Variants in LPGAT1 observed in about 807,000 individuals in gnomAD.
LPGAT1 encodes the protein lysophosphatidylglycerol acyltransferase 1.
A neutral mutation model predicts 47.5 loss-of-function variants in LPGAT1; 11 were observed. The observed-to-expected ratio is 0.23, with a 90% CI of 0.15 to 0.38. LPGAT1 has a LOEUF of 0.38. LPGAT1 is among the 10% of genes least tolerant of loss of function. The probability of loss-of-function intolerance (pLI) is 1.00; values close to 1 mark genes in which losing one functional copy is unlikely to be tolerated. For missense variants in LPGAT1, 293 were observed against 439.0 expected, an observed-to-expected ratio of 0.67 and a Z score of 2.97; for synonymous variants, 138 against 144.2, an observed-to-expected ratio of 0.96 and a Z score of 0.31.
chr1:211,783,623 C>T, intron 4 of LPGAT1, 121 bp from the exon 5 acceptor site: 1 of 805,748 alleles, frequency 1.2e-6, no homozygotes, highest in Non-Finnish European at 1.8e-6. Context: ...AGTGATTCCC[C>T]CACCCCACCC....
intron 2 of LPGAT1, among the ~76,000 whole-genome samples, chr1:211,807,662 A>G (rs573405916): frequency 6.6e-6 from 1 of 152,318 alleles, no homozygotes; most frequent in Admixed American, 6.5e-5. Flanking sequence ...GAAAAAGAAT[A>G]GTCTTTTCAA....
chr1:211,778,874 T>C (rs1300792801), intron 6 of LPGAT1, 44 bp downstream of exon 6: 2 of 1,437,576 alleles, frequency 1.4e-6, no homozygotes, highest in South Asian at 1.5e-5. Flanking sequence ...TATTCTGAGG[T>C]AGTATTGTTG....
intron 3 of LPGAT1, among the ~76,000 whole-genome samples, chr1:211,789,827 C>T (rs1027870232): frequency 6.8e-6 from 1 of 148,004 alleles, no homozygotes; most frequent in African/African-American, 2.5e-5. Context: ...GCTGAAATGG[C>T]ACCACTGCAC....
chr1:211,788,900 T>C (rs899167422), intron 3 of LPGAT1, among the ~76,000 whole-genome samples: 2 of 152,106 alleles, frequency 1.3e-5, no homozygotes, highest in Admixed American at 6.5e-5. Context: ...CCTACACATA[T>C]GGAAAAAACT....
intron 2 of LPGAT1, among the ~76,000 whole-genome samples, chr1:211,817,757 A>AT (rs1660226610): frequency 6.6e-6 from 1 of 152,116 alleles, no homozygotes; most frequent in Non-Finnish European, 1.5e-5. Context: ...ATGGTGCTTC[A>AT]TTTTTTCGTT....
intron 6 of LPGAT1, among the ~76,000 whole-genome samples, chr1:211,776,776 T>C (rs759266484): frequency 7.3e-5 from 11 of 151,092 alleles, no homozygotes; most frequent in Non-Finnish European, 1.5e-4. Flanking sequence ...TCATGAATAG[T>C]TTTTCAAATC....
chr1:211,785,782 T>C (rs940228135), intron 4 of LPGAT1, among the ~76,000 whole-genome samples: 1 of 152,008 alleles, frequency 6.6e-6, no homozygotes, highest in East Asian at 1.9e-4. Flanking sequence ...AATTTTTGTA[T>C]CTTTAGTAGA....
Position 211,829,329 on chromosome 1 carries a change from G to A in LPGAT1, c.-27-6C>T, listed in dbSNP as rs1660644531. Reference sequence around the variant, plus strand: ...CTGGACTCCGTCCTGTCTTTCTGGGGTGAAAGAAAAATTCACTTAAAAAGG... The same window carrying A: ...CTGGACTCCGTCCTGTCTTTCTGGGATGAAAGAAAAATTCACTTAAAAAGG... On this transcript the variant is annotated splice_polypyrimidine_tract_variant and splice_region_variant and intron_variant, in intron 1 of 7. Coordinates refer to ENST00000366997, the MANE Select transcript of LPGAT1 (RefSeq NM_014873.3). 1 of 1,608,770 alleles carries A rather than the reference G, an allele frequency of 6.2e-7. No individual in the cohort carries two copies. Among genetic ancestry groups the A allele is most frequent in the Non-Finnish European group, 8.5e-7 (1 of 1,177,038 alleles).
rs148488276 is a variant in LPGAT1 at position 211,786,178 on chromosome 1, G to A, written c.453+1454C>T. On this transcript the variant is annotated intron_variant, in intron 4 of 7. Coordinates refer to ENST00000366997, the MANE Select transcript of LPGAT1 (RefSeq NM_014873.3). ...GTGGTTCCAGGGTATGCTTATATTT[G>A]TTTCTCTGCTCAGAAGAACAAAGGA... 1.5e-4 allele frequency among the ~76,000 whole-genome samples: 23 copies of A among 152,264 alleles called. No homozygotes were observed. The East Asian group carries it at 3.7e-3, about 24-fold the overall frequency.
In LPGAT1 at chr1:211,745,855, C is replaced by G. The variant is rs1656920870; in HGVS notation, c.*4044G>C. 1.3e-5 allele frequency: 2 copies of G among 152,556 alleles called. No homozygotes were observed. Among genetic ancestry groups the G allele is most frequent in the Non-Finnish European group, 2.9e-5 (2 of 68,024 alleles). 9.5% of individuals were successfully genotyped at this position (152,556 alleles called of 1,614,324 possible). On this transcript the variant is annotated 3_prime_UTR_variant, in exon 8 of 8. Transcript: ENST00000366997. Reference sequence around the variant, plus strand: ...TATCCACTGCTGCTTTTGACTTTGTCCTTCATATTAACAGATATAAGGCTC... The same window carrying G: ...TATCCACTGCTGCTTTTGACTTTGTGCTTCATATTAACAGATATAAGGCTC...
Position 211,749,668 on chromosome 1 carries a change from A to T in LPGAT1, c.*231T>A. The T allele has an allele frequency of 2.2e-6, 1 of 453,794 alleles. No homozygotes were observed. The highest frequency in any genetic ancestry group is 3.9e-6 in the Non-Finnish European group (1 of 257,532). The allele number at this position is 453,794 out of a possible 1,614,324, so 28.1% of individuals were successfully genotyped here. On this transcript the variant is annotated 3_prime_UTR_variant, in exon 8 of 8. Coordinates refer to ENST00000366997, the MANE Select transcript of LPGAT1 (RefSeq NM_014873.3). The stretch of plus-strand genomic sequence containing the variant: ...TGTGATGTTTGCTTAAATATGTGAT[A>T]GAGTGTATCTTTTTAAAACATGTTC...
chr1:211,798,085 T>A (rs184326526), intron 2 of LPGAT1, among the ~76,000 whole-genome samples: 1 of 152,226 alleles, frequency 6.6e-6, no homozygotes, highest in East Asian at 1.9e-4. Flanking sequence ...CAAAAACTCC[T>A]TAACAACAGT....
chr1:211,781,659 GT>G (rs1658649670), intron 5 of LPGAT1, among the ~76,000 whole-genome samples: 1 of 152,090 alleles, frequency 6.6e-6, no homozygotes, highest in African/African-American at 2.4e-5. Context: ...AAAACACATT[GT>G]TTCTGAGGGC....
intron 2 of LPGAT1, among the ~76,000 whole-genome samples, chr1:211,809,391 C>CATAAT (rs1659881998): frequency 6.6e-6 from 1 of 152,160 alleles, no homozygotes; most frequent in Non-Finnish European, 1.5e-5. Flanking sequence ...AGCAACAACA[C>CATAAT]TGAATTCAGA....
At chr1:211,783,571 A>T (rs1658727721) in intron 4 of LPGAT1, 69 bp from the exon 5 acceptor site, 5 of 1,376,856 alleles carry the variant, frequency 3.6e-6, no homozygotes, top group Non-Finnish European at 4.9e-6. Flanking sequence ...AATTAAACAG[A>T]AATTACAGCT....
At chr1:211,791,116 T>TC (rs1177344479) in intron 3 of LPGAT1, among the ~76,000 whole-genome samples, 4 of 7,402 alleles carry the variant, frequency 5.4e-4, no homozygotes, top group Non-Finnish European at 8.0e-4. Flanking sequence ...AAGGATTTAA[T>TC]TTTTCCACAT....
chr1:211,750,112 A>T (rs1383548201), intron 7 of LPGAT1, 62 bp from the exon 8 acceptor site: 32 of 1,432,272 alleles, frequency 2.2e-5, no homozygotes, highest in African/African-American at 4.3e-5. Context: ...CTGGAATAAA[A>T]GTTGAATATT....
intron 2 of LPGAT1, among the ~76,000 whole-genome samples, chr1:211,824,765 G>A (rs950534023): frequency 3.9e-5 from 6 of 151,942 alleles, no homozygotes; most frequent in Non-Finnish European, 7.4e-5. Flanking sequence ...TTGGTTTTAC[G>A]GCTCAAAGGT....
chr1:211,829,101 A>G lies in LPGAT1; in HGVS notation c.196T>C (p.Leu66=). The G allele has an allele frequency of 6.2e-7, 1 of 1,614,174 alleles. No individual in the cohort carries two copies. Among genetic ancestry groups the G allele is most frequent in the Non-Finnish European group, 8.5e-7 (1 of 1,180,024 alleles). ...YIEGIMYKWL[L]GMVASWGWYA... ...CATCCCCAGGAAGCTACCATTCCTA[A>G]AAGCCATTTATACATGATTCCTTCG... is the stretch of plus-strand genomic sequence containing the variant. The change falls in exon 2 of 8, where the codon TTA becomes CTA. Residue 66 remains leucine, a synonymous_variant. Transcript: ENST00000366997.
Sources: allele counts gnomAD v4.1 joint callset (sites outside exome capture counted in the v4.1 genomes callset), GRCh38; gene constraint gnomAD v4.1.1; transcripts MANE v1.5; gene names NCBI Gene and HGNC (gene_info 2026-07-23, HGNC 2026-07-21).